Variants in AKR1E2 observed in about 807,000 individuals in gnomAD.
The protein encoded by AKR1E2 is aldo-keto reductase family 1 member E2, also known as 1,5-anhydro-D-fructose reductase.
In AKR1E2, 43 loss-of-function variants were observed where a neutral mutation model predicts 41.9. The ratio of observed to expected loss-of-function variants is 1.03; its 90% CI spans 0.80 to 1.32. The LOEUF is 1.32. AKR1E2 is among the 40% of genes most tolerant of loss of function. The pLI, the probability that AKR1E2 is intolerant of heterozygous loss-of-function variation, is 0.00. For missense variants in AKR1E2, 423 were observed against 396.5 expected, an observed-to-expected ratio of 1.07 and a Z score of -0.57; for synonymous variants, 121 against 138.9, an observed-to-expected ratio of 0.87 and a Z score of 0.91.
the AKR1E2 span, among the ~76,000 whole-genome samples, chr10:4,854,049 T>C: frequency 0.9 from 135,375 of 151,248 alleles, 61,507 homozygotes; most frequent in East Asian, 0.98. Context: ...TGGGGCTGTT[T>C]TGTCTATGGA....
chr10:4,850,899 CTCTT>C (rs1239446687), downstream of AKR1E2, among the ~76,000 whole-genome samples: 1 of 152,178 alleles, frequency 6.6e-6, no homozygotes, highest in Non-Finnish European at 1.5e-5. Context: ...TCCATCTTTT[CTCTT>C]TCTTCCATTT....
chr10:4,826,100 G>A (rs1832462143), upstream of AKR1E2: 8 of 397,638 alleles, frequency 2.0e-5, no homozygotes, highest in South Asian at 1.4e-4. Context: ...AGCCAATCGG[G>A]GTGCCCGTCC....
In AKR1E2 at chr10:4,833,604, C is replaced by T. The variant is rs1833160055; in HGVS notation, c.324+138C>T. The T allele has an allele frequency of 4.5e-5, 34 of 747,406 alleles. No homozygotes were observed. The South Asian group carries it at 4.6e-4, about 10-fold the overall frequency. 46.3% of individuals were successfully genotyped at this position (747,406 alleles called of 1,614,324 possible). A position where few individuals can be genotyped will look rare whatever the true frequency, so the allele number is the denominator to read the frequency against. ...GGCTGCATCTGCCACATGCTAGCTG[C>T]GGCATTTGGGCAGTCCTCTTGATAT... On this transcript the variant is annotated intron_variant, in intron 3 of 9. Coordinates refer to ENST00000298375, the MANE Select transcript of AKR1E2 (RefSeq NM_001040177.3).
chr10:4,845,287 C>T (rs879668407), intron 8 of AKR1E2, among the ~76,000 whole-genome samples: 144 of 152,324 alleles, frequency 9.5e-4, no homozygotes, highest in Non-Finnish European at 1.3e-3. Context: ...CGATTCCCAC[C>T]GGCGTCTCTC....
At chr10:4,855,950 C>G in the AKR1E2 span, among the ~76,000 whole-genome samples, 2 of 152,292 alleles carry the variant, frequency 1.3e-5, no homozygotes, top group African/African-American at 2.4e-5. Context: ...GCCATGCCCC[C>G]TAGCTGTGCA....
At chr10:4,840,794 G>C (rs1833816268) in intron 6 of AKR1E2, among the ~76,000 whole-genome samples, 1 of 152,018 alleles carries the variant, frequency 6.6e-6, no homozygotes, top group Non-Finnish European at 1.5e-5. Context: ...ATCTTCTCCA[G>C]GAAGCCCTCC....
rs368223677 is a variant in AKR1E2, at chr10:4,842,464, C to T, written c.797C>T (p.Pro266Leu). 266 of 1,614,110 alleles carry T rather than the reference C, an allele frequency of 1.6e-4. 3 individuals carry two copies. In the South Asian group the frequency reaches 2.8e-3, roughly 17 times the overall value. ...ATCCAGAGGAATGTGATAGTGATCC[C>T]CGGATCTATCACCCCAAGTCACATT... is the stretch of plus-strand genomic sequence containing the variant. ...FQIQRNVIVI[P>L]GSITPSHIKE... The change falls in exon 8 of 10, where the codon CCC (proline) becomes CTC (leucine). Residue 266 changes from proline (P) to leucine (L), a missense_variant. Transcript: ENST00000298375.
chr10:4,834,507 T>C (rs559035075), intron 3 of AKR1E2, among the ~76,000 whole-genome samples: 2 of 152,352 alleles, frequency 1.3e-5, no homozygotes, highest in Admixed American at 1.3e-4. Flanking sequence ...ATTACACTCA[T>C]TGCCAGCCAG....
rs1027449724 is a variant in AKR1E2, at chr10:4,847,144, C to T, written c.838-4C>T. ...TTTCTACAAACATTGTGTTTTGGTT[C>T]CAGGTGTTTGATTTTGAATTAACAC... On this transcript the variant is annotated splice_polypyrimidine_tract_variant and splice_region_variant and intron_variant, in intron 8 of 9. Transcript: ENST00000298375. The T allele has an allele frequency of 5.0e-6, 8 of 1,613,192 alleles. No individual in the cohort carries two copies. The highest frequency in any genetic ancestry group is 6.8e-6 in the Non-Finnish European group (8 of 1,179,846).
downstream of AKR1E2, among the ~76,000 whole-genome samples, chr10:4,848,474 T>C (rs950524470): frequency 5.9e-5 from 9 of 152,226 alleles, no homozygotes; most frequent in Non-Finnish European, 8.8e-5. Context: ...CTGGCCTAGC[T>C]CCTGTGCCCT....
At chr10:4,853,731 T>C in the AKR1E2 span, among the ~76,000 whole-genome samples, 9,064 of 152,258 alleles carry the variant, frequency 0.06, 318 homozygotes, top group Non-Finnish European at 0.07. Flanking sequence ...CTGAGTAAAA[T>C]GAGACTGAGA....
the AKR1E2 span, among the ~76,000 whole-genome samples, chr10:4,862,654 G>A: frequency 1.3e-5 from 2 of 152,122 alleles, no homozygotes; most frequent in Non-Finnish European, 2.9e-5. Flanking sequence ...CACATCCCTT[G>A]TAAGCTGGAT....
chr10:4,855,465 T>A, the AKR1E2 span, among the ~76,000 whole-genome samples: 1 of 152,154 alleles, frequency 6.6e-6, no homozygotes, highest in Non-Finnish European at 1.5e-5. Context: ...GGATGAGGTT[T>A]CCCCCTTGTC....
chr10:4,827,932 G>C (rs1220419569), intron 1 of AKR1E2, among the ~76,000 whole-genome samples: 1 of 152,168 alleles, frequency 6.6e-6, no homozygotes, highest in Non-Finnish European at 1.5e-5. Flanking sequence ...GGAAAAATTA[G>C]TGAAAACTGT....
downstream of AKR1E2, among the ~76,000 whole-genome samples, chr10:4,851,138 G>T (rs1834519237): frequency 6.6e-6 from 1 of 152,224 alleles, no homozygotes; most frequent in Non-Finnish European, 1.5e-5. Context: ...ACCAGCTCTG[G>T]CTGGGTTTGG....
the AKR1E2 span, among the ~76,000 whole-genome samples, chr10:4,864,701 T>G: frequency 6.6e-6 from 1 of 152,180 alleles, no homozygotes; most frequent in Non-Finnish European, 1.5e-5. Flanking sequence ...ATTGTATATC[T>G]AGAAAACCCC....
chr10:4,841,254 C>T (rs1320159000), intron 6 of AKR1E2, among the ~76,000 whole-genome samples: 1 of 152,170 alleles, frequency 6.6e-6, no homozygotes, highest in African/African-American at 2.4e-5. Context: ...AAACTGAATC[C>T]TCAGAGTTCT....
the AKR1E2 span, among the ~76,000 whole-genome samples, chr10:4,853,606 C>T: frequency 1.3e-5 from 2 of 152,116 alleles, no homozygotes; most frequent in Admixed American, 6.5e-5. Context: ...AGACATAAGA[C>T]ACCAATCCGT....
the AKR1E2 span, among the ~76,000 whole-genome samples, chr10:4,864,935 T>C: frequency 6.6e-6 from 1 of 152,174 alleles, no homozygotes; most frequent in Non-Finnish European, 1.5e-5. Flanking sequence ...AATAAGTTCA[T>C]GAGTGAAAAA....
Sources: gnomAD v4.1 joint callset for allele counts (sites outside exome capture counted in the v4.1 genomes callset) on GRCh38, gnomAD v4.1.1 for gene constraint, MANE v1.5 for transcripts, NCBI Gene and HGNC (gene_info 2026-07-23, HGNC 2026-07-21) for gene names.